Variants in ZNF718 observed in about 807,000 individuals in gnomAD.
ZNF718 encodes the protein zinc finger protein 718.
A neutral mutation model predicts 2.6 loss-of-function variants in ZNF718; 3 were observed. That is an observed-to-expected ratio of 1.16 (90% CI 0.53 to 3.01). The LOEUF (loss-of-function observed/expected upper bound fraction) is 3.01. Among genes scored for constraint, ZNF718 ranks in the 30% most tolerant of loss-of-function variants. The pLI, the probability that ZNF718 is intolerant of heterozygous loss-of-function variation, is 0.03. For missense variants in ZNF718, 468 were observed against 230.0 expected (o/e 2.03, Z -6.69); for synonymous variants, 135 against 77.9 (o/e 1.73, Z -3.86).
Position 173,638 on chromosome 4 carries a change from G to A in ZNF718, c.227-27443G>A, listed in dbSNP as rs542079235. The stretch of plus-strand genomic sequence containing the variant: ...AGCAAAGGATACTTCTGTTAAATAT[G>A]GGTCGCAGGTTTTTACCCTATCCCA... On this transcript the variant is annotated intron_variant and NMD_transcript_variant, in intron 3 of 4. Coordinates refer to the ZNF718 transcript ENST00000642529. Among the ~76,000 whole-genome samples the A allele has an allele frequency of 1.1e-3, 167 of 152,242 alleles. 1 individual carries two copies. Among genetic ancestry groups the A allele is most frequent in the African/African-American group, 3.6e-3 (151 of 41,552 alleles).
intron 3 of ZNF718, among the ~76,000 whole-genome samples, chr4:193,114 G>A (rs1359729141): frequency 6.6e-6 from 1 of 152,176 alleles, no homozygotes; most frequent in African/African-American, 2.4e-5. Flanking sequence ...TTCTTCTGCT[G>A]AGTACTGGGG....
intron 3 of ZNF718, among the ~76,000 whole-genome samples, chr4:175,085 T>C (rs917047618): frequency 2.6e-5 from 4 of 152,184 alleles, no homozygotes; most frequent in Admixed American, 2.6e-4. Flanking sequence ...TCCTTTCTAC[T>C]TGCAAACTTA....
At chr4:156,899 A>G (rs1156901572) in intron 3 of ZNF718, among the ~76,000 whole-genome samples, 1 of 152,128 alleles carries the variant, frequency 6.6e-6, no homozygotes, top group Non-Finnish European at 1.5e-5. Context: ...TGCAATAATT[A>G]TGAGTGTACA....
rs1717453519 is a variant in ZNF718, at chr4:181,082, C to T, written c.227-19999C>T. Among the ~76,000 whole-genome samples, 5 of 150,288 alleles carry T rather than the reference C, an allele frequency of 3.3e-5. 1 individual carries two copies. In the South Asian group the frequency reaches 1.1e-3, roughly 32 times the overall value. ...TGTCACCCAGTCTGGAGTGCAGTGG[C>T]ACAATTGTGGCACACTGCAGCCTCA... On this transcript the variant is annotated intron_variant and NMD_transcript_variant, in intron 3 of 4. Coordinates refer to the ZNF718 transcript ENST00000642529.
At chr4:174,597 C>G (rs989046731) in intron 3 of ZNF718, among the ~76,000 whole-genome samples, 8 of 152,168 alleles carry the variant, frequency 5.3e-5, no homozygotes, top group African/African-American at 1.9e-4. Context: ...TCAGCCTGTT[C>G]AGCAACAAGA....
chr4:167,296 C>T (rs1281654855), downstream of ZNF718, among the ~76,000 whole-genome samples: 3 of 152,114 alleles, frequency 2.0e-5, no homozygotes, highest in Non-Finnish European at 4.4e-5. Flanking sequence ...ATGCCCCCAG[C>T]TTTGTCCTTT....
At chr4:170,052 A>C (rs1351797150) in intron 3 of ZNF718, among the ~76,000 whole-genome samples, 1 of 151,640 alleles carries the variant, frequency 6.6e-6, no homozygotes. Context: ...GGTGGTGACA[A>C]AATCTCTCAG....
At chr4:190,750 A>G (rs1717675555) in intron 3 of ZNF718, among the ~76,000 whole-genome samples, 2 of 152,056 alleles carry the variant, frequency 1.3e-5, no homozygotes, top group African/African-American at 2.4e-5. Context: ...AAACAAATCT[A>G]TTTTTTTCAA....
chr4:157,406 C>T (rs1716623347), intron 3 of ZNF718, among the ~76,000 whole-genome samples: 1 of 152,024 alleles, frequency 6.6e-6, no homozygotes, highest in Admixed American at 6.6e-5. Flanking sequence ...TGAGCCACCG[C>T]ACCCGGCCTT....
At chr4:198,292 G>A (rs1398531265) in intron 3 of ZNF718, among the ~76,000 whole-genome samples, 3 of 152,194 alleles carry the variant, frequency 2.0e-5, no homozygotes, top group Non-Finnish European at 4.4e-5. Context: ...GGGGGTCCAC[G>A]TCATCCAGCA....
chr4:134,807 C>A (rs1389009559), intron 3 of ZNF718, among the ~76,000 whole-genome samples: 1 of 151,818 alleles, frequency 6.6e-6, no homozygotes, highest in Non-Finnish European at 1.5e-5. Flanking sequence ...TATGTTGGGC[C>A]AGTTCCAGTG....
At chr4:186,798 G>C (rs1717575315) in intron 3 of ZNF718, among the ~76,000 whole-genome samples, 1 of 152,136 alleles carries the variant, frequency 6.6e-6, no homozygotes, top group Admixed American at 6.6e-5. Context: ...TATTTTGGCT[G>C]TCAGCTCCTG....
chr4:165,996 A>G (rs1166940447), downstream of ZNF718, among the ~76,000 whole-genome samples: 4 of 152,026 alleles, frequency 2.6e-5, no homozygotes, highest in African/African-American at 7.2e-5. Flanking sequence ...TCCTAATGCT[A>G]TCCCTCCCCC....
At chr4:142,908 G>A (rs920969292) in intron 3 of ZNF718, among the ~76,000 whole-genome samples, 3 of 152,046 alleles carry the variant, frequency 2.0e-5, no homozygotes, top group Admixed American at 6.6e-5. Flanking sequence ...AGCATACTGT[G>A]AACTCTTGGT....
chr4:147,043 T>A (rs1430306009), intron 3 of ZNF718, among the ~76,000 whole-genome samples: 2 of 152,196 alleles, frequency 1.3e-5, no homozygotes, highest in Admixed American at 6.5e-5. Flanking sequence ...TGATCTTGAC[T>A]CACTGCAACC....
intron 3 of ZNF718, among the ~76,000 whole-genome samples, chr4:171,119 C>T (rs1387511283): frequency 6.6e-6 from 1 of 152,100 alleles, no homozygotes; most frequent in Non-Finnish European, 1.5e-5. Flanking sequence ...CACTCCAGAC[C>T]CTCTTTGCCT....
At chr4:197,962 G>A (rs180959109) in intron 3 of ZNF718, among the ~76,000 whole-genome samples, 1 of 152,258 alleles carries the variant, frequency 6.6e-6, no homozygotes, top group East Asian at 1.9e-4. Flanking sequence ...GAAGTAAATG[G>A]AGTCAAAATG....
chr4:175,641 C>T (rs1196351953), intron 3 of ZNF718, among the ~76,000 whole-genome samples: 3 of 152,062 alleles, frequency 2.0e-5, no homozygotes, highest in African/African-American at 4.8e-5. Flanking sequence ...ATTTATTTTA[C>T]TTTTGGTTGC....
intron 3 of ZNF718, among the ~76,000 whole-genome samples, chr4:179,536 T>G (rs1717423973): frequency 6.6e-6 from 1 of 152,220 alleles, no homozygotes. Context: ...TGTTTATGTC[T>G]GTGTTTGTGA....
Sources: gnomAD v4.1 joint callset for allele counts (sites outside exome capture counted in the v4.1 genomes callset) on GRCh38, gnomAD v4.1.1 for gene constraint, MANE v1.5 for transcripts, NCBI Gene and HGNC (gene_info 2026-07-23, HGNC 2026-07-21) for gene names.